The following PRC1 variants were observed in gnomAD, a reference collection of about 807,000 sequenced individuals.
The protein encoded by PRC1 is anaphase spindle elongation 1 homolog.
PRC1 carries 54 observed loss-of-function variants against 91.2 expected under a neutral mutation model. The ratio of observed to expected loss-of-function variants is 0.59; its 90% CI spans 0.48 to 0.74. The LOEUF (loss-of-function observed/expected upper bound fraction) is 0.74. Among genes scored for constraint, PRC1 ranks in the 30% least tolerant of loss-of-function variants. The pLI, the probability that PRC1 is intolerant of heterozygous loss-of-function variation, is 0.00. For synonymous variants in PRC1, 275 were observed against 263.6 expected (o/e 1.04, Z -0.42); for missense variants, 727 against 746.2 (o/e 0.97, Z 0.30).
At chr15:90,968,429 A>T in intron 14 of PRC1, 11 of 985,802 alleles carry the variant, frequency 1.1e-5, no homozygotes, top group Non-Finnish European at 1.3e-5. Flanking sequence ...AAGGGTGAGG[A>T]ACATCCTCTC....
At chr15:90,976,301 C>T (rs111570116) in intron 9 of PRC1, among the ~76,000 whole-genome samples, 31 of 147,948 alleles carry the variant, frequency 2.1e-4, no homozygotes, top group Non-Finnish European at 3.5e-4. Context: ...AACTCCTGAC[C>T]TCATGATCAA....
chr15:90,970,884 A>G (rs1424706311), intron 11 of PRC1, among the ~76,000 whole-genome samples: 1 of 152,264 alleles, frequency 6.6e-6, no homozygotes, highest in Non-Finnish European at 1.5e-5. Context: ...AAAGCTGGCA[A>G]CAGCCAAATA....
chr15:90,969,423 T>G, intron 13 of PRC1, 24 bp downstream of exon 13: 1 of 1,570,452 alleles, frequency 6.4e-7, no homozygotes, highest in African/African-American at 1.3e-5. Flanking sequence ...CAGAGACTGG[T>G]AGATATTAGA....
intron 11 of PRC1, among the ~76,000 whole-genome samples, chr15:90,971,871 T>C (rs1262973798): frequency 2.0e-5 from 3 of 151,230 alleles, no homozygotes; most frequent in Admixed American, 2.0e-4. Context: ...CTACTAAAAA[T>C]ACAAAAATTA....
chr15:90,981,588 T>C lies in PRC1; in HGVS notation c.583A>G (p.Ser195Gly). ...TCACACACCACATCTCTTTCAAAGC[T>C]TGTGTCTGGGGTGTGGTCTAATGCT... ...MEALDHTPDT[S>G]FERDVVCEDE... The change falls in exon 5 of 15, where the codon AGC becomes GGC. Residue 195 changes from serine to glycine, a missense_variant. Ser to Gly is a moderately conservative substitution (Grantham distance 56). Coordinates refer to ENST00000394249, the MANE Select transcript of PRC1 (RefSeq NM_003981.4). The C allele has an allele frequency of 6.2e-7, 1 of 1,614,074 alleles. No individual in the cohort carries two copies. The highest frequency in any genetic ancestry group is 2.2e-5 in the East Asian group (1 of 44,884).
rs140580110 is a variant in PRC1, at chr15:90,979,420, C to CGT, written c.971-128_971-127dup. The CGT allele has an allele frequency of 4.9e-4, 544 of 1,100,090 alleles. 2 individuals carry two copies. The highest frequency in any genetic ancestry group is 5.0e-4 in the African/African-American group (32 of 63,536). 68.1% of individuals were successfully genotyped at this position (1,100,090 alleles called of 1,614,324 possible). ...TATAGTAAACTGATACAGGAAGAGG[C>CGT]GTGTGTGTGTGTGTAATAGATATAT... On this transcript the variant is annotated intron_variant, in intron 7 of 14. Transcript: ENST00000394249.
chr15:90,993,070 CAAAAAAAAA>C (rs67427806), intron 1 of PRC1, among the ~76,000 whole-genome samples: 35 of 30,938 alleles, frequency 1.1e-3, no homozygotes, highest in Non-Finnish European at 2.1e-3. Context: ...GACCCCGTCT[CAAAAAAAAA>C]AAAAAAAAAA....
intron 13 of PRC1, 114 bp downstream of exon 13, chr15:90,969,333 C>T: frequency 1.4e-6 from 2 of 1,380,944 alleles, no homozygotes; most frequent in East Asian, 2.3e-5. Flanking sequence ...AAGGGATTCT[C>T]AGCCTCCAAG....
At chr15:90,976,796 G>A in intron 8 of PRC1, 25 bp from the exon 9 acceptor site, 1 of 1,573,190 alleles carries the variant, frequency 6.4e-7, no homozygotes, top group Non-Finnish European at 8.7e-7. Context: ...TTTTTAATTA[G>A]TGGAAAACCT....
intron 8 of PRC1, among the ~76,000 whole-genome samples, chr15:90,978,763 A>AC (rs1431962106): frequency 0.021 from 3,176 of 149,008 alleles, 166 homozygotes; most frequent in African/African-American, 0.075. Flanking sequence ...CAAAAAAAAA[A>AC]AAAAAAAAAA....
At chr15:90,978,731 C>A (rs1251094614) in intron 8 of PRC1, among the ~76,000 whole-genome samples, 1 of 110,242 alleles carries the variant, frequency 9.1e-6, no homozygotes, top group East Asian at 3.3e-4. Flanking sequence ...CCAGCCTGGG[C>A]AACAAGAGCG....
Position 90,984,088 on chromosome 15 carries a change from A to T in PRC1, c.197T>A (p.Ile66Asn). 3.1e-6 allele frequency: 5 copies of T among 1,614,124 alleles called. No homozygotes were observed. The highest frequency in any genetic ancestry group is 4.2e-6 in the Non-Finnish European group (5 of 1,180,030). Residue 66 changes from isoleucine to asparagine, a missense_variant, in exon 3 of 15, where the codon ATC becomes AAC. Ile to Asn is a moderately radical substitution (Grantham distance 149). Transcript: ENST00000394249. The surrounding 1 kb of genome is among the most constrained non-coding windows in gnomAD (Gnocchi z 5.1). ...TTTCTGACAGACGGATATGCTTTTGATGAGTCTTTCCTTCAGGCTTTCCTC... is the reference window on the plus strand; with the variant it reads ...TTTCTGACAGACGGATATGCTTTTGTTGAGTCTTTCCTTCAGGCTTTCCTC... ...AEEESLKERL[I>N]KSISVCQKEL...
chr15:90,992,361 A>G (rs1350087032), intron 1 of PRC1, among the ~76,000 whole-genome samples: 3 of 152,182 alleles, frequency 2.0e-5, no homozygotes, highest in Non-Finnish European at 4.4e-5. Context: ...AACACTTGCA[A>G]TGGTTCCTTG....
intron 13 of PRC1, among the ~76,000 whole-genome samples, 163 bp downstream of exon 13, chr15:90,969,284 C>T (rs1026302902): frequency 3.3e-5 from 5 of 152,096 alleles, no homozygotes; most frequent in African/African-American, 1.2e-4. Flanking sequence ...ACACAACCCC[C>T]CCTTAAATCA....
rs913428749 is a variant in PRC1 at position 90,990,383 on chromosome 15, AATAAATAATTT to A, written c.11+4013_11+4023del. 9.0e-5 allele frequency among the ~76,000 whole-genome samples: 12 copies of A among 133,250 alleles called. No individual in the cohort carries two copies. In the South Asian group the frequency reaches 1.7e-3, roughly 19 times the overall value. 87.4% of individuals were successfully genotyped at this position (133,250 alleles called of 152,430 possible). On this transcript the variant is annotated intron_variant, in intron 1 of 14. Coordinates refer to ENST00000394249, the MANE Select transcript of PRC1 (RefSeq NM_003981.4). ...AAAAAATAAAATAAATAAATAAATA[AATAAATAATTT>A]TTTTTTTTTTTTTAAGAGGTAGAGT...
chr15:90,981,297 TTTCA>T, intron 5 of PRC1, 198 bp downstream of exon 5: 2 of 702,994 alleles, frequency 2.8e-6, no homozygotes, highest in Non-Finnish European at 4.5e-6. Flanking sequence ...TCATCTATAA[TTTCA>T]TTTTCTTGGA....
chr15:90,967,866 C>A (rs1022293581), intron 14 of PRC1: 14 of 985,470 alleles, frequency 1.4e-5, no homozygotes, highest in Non-Finnish European at 1.7e-5. Flanking sequence ...TTAGAGTTGT[C>A]AAGGTAAGTA....
intron 1 of PRC1, among the ~76,000 whole-genome samples, chr15:90,993,457 T>C (rs1252457111): frequency 6.6e-6 from 1 of 152,200 alleles, no homozygotes; most frequent in Non-Finnish European, 1.5e-5. Flanking sequence ...TTAAAAAGAC[T>C]GATCAGAATT....
chr15:90,979,239 T>C lies in PRC1; in HGVS notation c.1026A>G (p.Lys342=). 1 of 1,614,224 alleles carries C rather than the reference T, an allele frequency of 6.2e-7. No homozygotes were observed. The stretch of plus-strand genomic sequence containing the variant: ...GTTCCTTGTGAACTTCATAGTAGTT[T>C]TTTAACCGCACAATCTCAGCATCGT... The part of the protein sequence containing the change: ...QLHDAEIVRL[K]NYYEVHKELF... The change falls in exon 8 of 15, where the codon AAA becomes AAG. Residue 342 remains lysine (K), a synonymous_variant. Coordinates refer to ENST00000394249, the MANE Select transcript of PRC1 (RefSeq NM_003981.4).
Sources: gnomAD v4.1 joint callset for allele counts (sites outside exome capture counted in the v4.1 genomes callset) on GRCh38, gnomAD v4.1.1 for gene constraint, Gnocchi (gnomAD v3.1) non-coding constraint, MANE v1.5 for transcripts, NCBI Gene and HGNC (gene_info 2026-07-23, HGNC 2026-07-21) for gene names.